Variants in PRR14L observed in about 807,000 individuals in gnomAD.
PRR14L encodes proline rich 14 like, also known as protein PRR14L.
Under a neutral mutation model 155.0 loss-of-function variants are expected in PRR14L, and 80 were observed. The ratio of observed to expected loss-of-function variants is 0.52; its 90% CI spans 0.43 to 0.62. The LOEUF (loss-of-function observed/expected upper bound fraction) is 0.62, where lower values mean the gene tolerates loss of function less well. PRR14L is among the 20% of genes least tolerant of loss of function. The pLI is 0.00. For missense variants in PRR14L, 2,469 were observed against 2,548.0 expected (o/e 0.97, Z 0.67); for synonymous variants, 883 against 916.0 (o/e 0.96, Z 0.65).
intron 4 of PRR14L, among the ~76,000 whole-genome samples, chr22:31,708,192 T>C (rs1413386241): frequency 1.3e-5 from 2 of 152,104 alleles, no homozygotes; most frequent in African/African-American, 4.8e-5. Context: ...GGACATGTAC[T>C]TGTAACAGCA....
chr22:31,747,753 A>G (rs2074847392), intron 1 of PRR14L, among the ~76,000 whole-genome samples: 1 of 151,796 alleles, frequency 6.6e-6, no homozygotes, highest in African/African-American at 2.4e-5. Flanking sequence ...AAAAGATGGT[A>G]AGCGTTTCTT....
chr22:31,686,082 G>A (rs2074480537), intron 8 of PRR14L, among the ~76,000 whole-genome samples: 1 of 151,134 alleles, frequency 6.6e-6, no homozygotes, highest in Admixed American at 6.6e-5. Context: ...CTACAGGTAT[G>A]TGTCACTATG....
At chr22:31,742,019 T>C (rs941246092) in intron 1 of PRR14L, among the ~76,000 whole-genome samples, 3 of 152,172 alleles carry the variant, frequency 2.0e-5, no homozygotes, top group African/African-American at 7.2e-5. Context: ...GGGAGGTTAG[T>C]AGAGATAACG....
intron 7 of PRR14L, among the ~76,000 whole-genome samples, chr22:31,695,414 G>T (rs929219159): frequency 1.3e-5 from 2 of 152,168 alleles, no homozygotes; most frequent in Non-Finnish European, 2.9e-5. Flanking sequence ...GGCCATCAGT[G>T]ATTAATATAT....
chr22:31,710,477 G>A (rs902933899), intron 4 of PRR14L, among the ~76,000 whole-genome samples: 1 of 150,978 alleles, frequency 6.6e-6, no homozygotes, highest in African/African-American at 2.4e-5. Flanking sequence ...TTTTGAGACA[G>A]AGTCTCACTC....
Position 31,714,524 on chromosome 22 carries a change from A to T in PRR14L, c.3315T>A (p.His1105Gln). Residue 1105 changes from histidine to glutamine, a missense_variant, in exon 4 of 9, where the codon CAT becomes CAA. Physicochemically the swap from His to Gln is conservative, Grantham distance 24. Coordinates refer to ENST00000327423, the MANE Select transcript of PRR14L (RefSeq NM_173566.3). The part of the protein sequence containing the change: ...TLSRRELDAA[H>Q]TGTTGQDSDF... Reference sequence around the variant, plus strand: ...CTGAATCCTGACCAGTTGTTCCTGTATGTGCAGCATCCAGTTCTCTCCGAG... The same window carrying T: ...CTGAATCCTGACCAGTTGTTCCTGTTTGTGCAGCATCCAGTTCTCTCCGAG... The T allele has an allele frequency of 1.4e-5, 21 of 1,552,106 alleles. No individual in the cohort carries two copies. Among genetic ancestry groups the T allele is most frequent in the Non-Finnish European group, 1.8e-5 (21 of 1,147,078 alleles).
intron 2 of PRR14L, among the ~76,000 whole-genome samples, chr22:31,736,197 C>T (rs2074780116): frequency 7.4e-6 from 1 of 135,554 alleles, no homozygotes; most frequent in African/African-American, 2.8e-5. Context: ...CCAGCCTGGG[C>T]AATAGAACGA....
intron 1 of PRR14L, among the ~76,000 whole-genome samples, chr22:31,747,109 C>T (rs1324037243): frequency 6.7e-6 from 1 of 149,798 alleles, no homozygotes; most frequent in Non-Finnish European, 1.5e-5. Context: ...TGACCCTCTC[C>T]CAGGAGTCTT....
chr22:31,739,165 G>C (rs532086309), intron 1 of PRR14L, among the ~76,000 whole-genome samples: 116 of 152,220 alleles, frequency 7.6e-4, no homozygotes, highest in African/African-American at 2.7e-3. Flanking sequence ...CAATTTAAAC[G>C]TGAAGGGCCT....
intron 4 of PRR14L, among the ~76,000 whole-genome samples, chr22:31,707,764 T>G (rs1179038529): frequency 6.6e-6 from 1 of 152,042 alleles, no homozygotes; most frequent in South Asian, 2.1e-4. Context: ...ATCAACAAAG[T>G]AGACAATAAA....
intron 2 of PRR14L, among the ~76,000 whole-genome samples, chr22:31,732,692 A>G (rs919753948): frequency 1.3e-5 from 2 of 152,152 alleles, no homozygotes; most frequent in African/African-American, 2.4e-5. Flanking sequence ...TCACTGCAAT[A>G]AACTGTAGCT....
At chr22:31,687,135 T>C (rs1386089304) in intron 8 of PRR14L, among the ~76,000 whole-genome samples, 1 of 151,936 alleles carries the variant, frequency 6.6e-6, no homozygotes, top group Non-Finnish European at 1.5e-5. Context: ...CCCCCCGGGT[T>C]CAAGCGGTTC....
intron 3 of PRR14L, among the ~76,000 whole-genome samples, chr22:31,724,583 A>G (rs2074707224): frequency 1.3e-5 from 2 of 152,096 alleles, no homozygotes; most frequent in African/African-American, 4.8e-5. Flanking sequence ...TTTTTTGTAG[A>G]GAAGGGGTTT....
chr22:31,685,232 G>A lies in PRR14L; in HGVS notation c.*295C>T. 1 of 292,186 alleles carries A rather than the reference G, an allele frequency of 3.4e-6. No homozygotes were observed. Among genetic ancestry groups the A allele is most frequent in the Non-Finnish European group, 6.4e-6 (1 of 156,474 alleles). 18.1% of individuals were successfully genotyped at this position (292,186 alleles called of 1,614,324 possible). A position where few individuals can be genotyped will look rare whatever the true frequency, so the allele number is the denominator to read the frequency against. On this transcript the variant is annotated 3_prime_UTR_variant, in exon 9 of 9. Transcript: ENST00000327423. ...AGATAGGCTGCTGCTTCCTCCTGTG[G>A]ATGGCAGAGACTGAGGAGGTGGCTG...
chr22:31,741,522 T>C (rs2074813066), intron 1 of PRR14L, among the ~76,000 whole-genome samples: 1 of 152,004 alleles, frequency 6.6e-6, no homozygotes, highest in Admixed American at 6.6e-5. Flanking sequence ...ATAAACTGTG[T>C]GTACAGGGGA....
rs183119378 is a variant in PRR14L at position 31,706,665 on chromosome 22, G to A, written c.5757-1939C>T. 2.2e-3 allele frequency among the ~76,000 whole-genome samples: 342 copies of A among 152,156 alleles called. 1 individual carries two copies. Among genetic ancestry groups the A allele is most frequent in the African/African-American group, 7.9e-3 (330 of 41,556 alleles). On this transcript the variant is annotated intron_variant, in intron 4 of 8. Coordinates refer to ENST00000327423, the MANE Select transcript of PRR14L (RefSeq NM_173566.3). ...TCTCGAACTCCTGACCTTGTGGTCTGCCTACCTCAGTCTCCCAAAGTGTTG... is the reference window on the plus strand; with the variant it reads ...TCTCGAACTCCTGACCTTGTGGTCTACCTACCTCAGTCTCCCAAAGTGTTG...
At chr22:31,720,040 T>C (rs879753829) in intron 3 of PRR14L, among the ~76,000 whole-genome samples, 1 of 152,196 alleles carries the variant, frequency 6.6e-6, no homozygotes, top group African/African-American at 2.4e-5. Flanking sequence ...CCTGCAGCTC[T>C]GTGATACTTA....
At chr22:31,746,341 A>C (rs1210678534) in intron 1 of PRR14L, among the ~76,000 whole-genome samples, 1 of 152,244 alleles carries the variant, frequency 6.6e-6, no homozygotes, top group South Asian at 2.1e-4. Flanking sequence ...ATTTTTTATC[A>C]GTATGTTTTA....
chr22:31,699,895 T>C (rs2074554543), intron 7 of PRR14L, among the ~76,000 whole-genome samples: 1 of 151,918 alleles, frequency 6.6e-6, no homozygotes, highest in Non-Finnish European at 1.5e-5. Context: ...CAAAAGTACA[T>C]TTGATTAATA....
Sources: allele counts gnomAD v4.1 joint callset (sites outside exome capture counted in the v4.1 genomes callset), GRCh38; gene constraint gnomAD v4.1.1; transcripts MANE v1.5; gene names NCBI Gene and HGNC (gene_info 2026-07-23, HGNC 2026-07-21).